EYS: variants seen among roughly 807,000 people sequenced by gnomAD.
The protein encoded by EYS is protein eyes shut homolog.
In EYS, 250 loss-of-function variants were observed where a neutral mutation model predicts 282.1. That is an observed-to-expected ratio of 0.89 (90% CI 0.80 to 0.98). EYS has a LOEUF of 0.98. Among genes scored for constraint, EYS ranks in the 50% least tolerant of loss-of-function variants. The probability of loss-of-function intolerance (pLI) is 0.00; values close to 1 mark genes in which losing one functional copy is unlikely to be tolerated. For synonymous variants in EYS, 1,355 were observed against 1,282.9 expected, an observed-to-expected ratio of 1.06 and a Z score of -1.20; for missense variants, 4,016 against 3,709.0, an observed-to-expected ratio of 1.08 and a Z score of -2.15.
intron 31 of EYS, among the ~76,000 whole-genome samples, chr6:64,143,927 G>GA (rs149374831): frequency 0.037 from 5,557 of 152,224 alleles, 310 homozygotes; most frequent in African/African-American, 0.13. Context: ...ATCCCCTTTT[G>GA]AGCAGGTTAA....
intron 22 of EYS, among the ~76,000 whole-genome samples, chr6:64,723,209 G>A (rs565952407): frequency 6.6e-6 from 1 of 152,182 alleles, no homozygotes; most frequent in South Asian, 2.1e-4. Flanking sequence ...TGACTTATGA[G>A]CCTTACCTGT....
intron 5 of EYS, among the ~76,000 whole-genome samples, chr6:65,462,486 T>C (rs1050130274): frequency 4.6e-5 from 7 of 152,092 alleles, no homozygotes; most frequent in African/African-American, 1.7e-4. Flanking sequence ...TTTAAGTCTT[T>C]ACATTGAACA....
At chr6:65,080,413 G>T (rs1300218249) in intron 12 of EYS, among the ~76,000 whole-genome samples, 1 of 151,904 alleles carries the variant, frequency 6.6e-6, no homozygotes, top group Non-Finnish European at 1.5e-5. Flanking sequence ...CATCAATTTT[G>T]GTTTCCTACT....
chr6:65,311,950 AT>A (rs1250704894), intron 11 of EYS, among the ~76,000 whole-genome samples: 1 of 152,190 alleles, frequency 6.6e-6, no homozygotes. Flanking sequence ...GCTAAAAATT[AT>A]TTATTGTATA....
At chr6:64,743,816 TAAAAG>T (rs1772456134) in intron 22 of EYS, among the ~76,000 whole-genome samples, 1 of 152,052 alleles carries the variant, frequency 6.6e-6, no homozygotes, top group Non-Finnish European at 1.5e-5. Flanking sequence ...AATCTTAACT[TAAAAG>T]GAACAAAGCA....
chr6:63,888,224 A>G (rs1773315945), intron 35 of EYS, among the ~76,000 whole-genome samples: 1 of 152,226 alleles, frequency 6.6e-6, no homozygotes, highest in African/African-American at 2.4e-5. Context: ...CAGCAGACTT[A>G]TACATTCCTG....
chr6:63,861,464 A>G (rs932692700), intron 36 of EYS, among the ~76,000 whole-genome samples: 5 of 152,192 alleles, frequency 3.3e-5, no homozygotes, highest in African/African-American at 1.2e-4. Context: ...CAGATACACA[A>G]AAGTCACTAG....
intron 31 of EYS, among the ~76,000 whole-genome samples, chr6:64,205,753 C>T (rs187015195): frequency 6.6e-6 from 1 of 150,486 alleles, no homozygotes; most frequent in Non-Finnish European, 1.5e-5. Context: ...TGTCAAAATG[C>T]CATGTTGTCA....
At chr6:64,202,695 C>T (rs1036593147) in intron 31 of EYS, among the ~76,000 whole-genome samples, 7 of 152,074 alleles carry the variant, frequency 4.6e-5, no homozygotes, top group African/African-American at 1.7e-4. Context: ...AACATAGAAC[C>T]TTGAGACGAG....
At chr6:64,268,009 T>C (rs1241807870) in intron 30 of EYS, among the ~76,000 whole-genome samples, 1 of 152,120 alleles carries the variant, frequency 6.6e-6, no homozygotes, top group African/African-American at 2.4e-5. Flanking sequence ...ATCTTTCCAC[T>C]TTTGAAAGTT....
chr6:64,413,983 T>C (rs1424768947), intron 28 of EYS, among the ~76,000 whole-genome samples: 1 of 152,164 alleles, frequency 6.6e-6, no homozygotes, highest in Non-Finnish European at 1.5e-5. Flanking sequence ...GCGTCATCTC[T>C]GAACCAGGAA....
chr6:65,529,543 G>T (rs1767686005), intron 2 of EYS, among the ~76,000 whole-genome samples: 2 of 152,094 alleles, frequency 1.3e-5, no homozygotes, highest in Non-Finnish European at 2.9e-5. Flanking sequence ...TCCCCCTGAA[G>T]CAATAATTTC....
At chr6:63,881,136 G>C (rs953459814) in intron 35 of EYS, among the ~76,000 whole-genome samples, 1 of 152,010 alleles carries the variant, frequency 6.6e-6, no homozygotes, top group African/African-American at 2.4e-5. Flanking sequence ...CCCCTCAATT[G>C]CTCCTTCAGA....
chr6:65,496,949 CTT>C (rs888959211), intron 2 of EYS, among the ~76,000 whole-genome samples: 21 of 152,066 alleles, frequency 1.4e-4, no homozygotes, highest in African/African-American at 4.1e-4. Flanking sequence ...TAAATTACCT[CTT>C]TGCAATTTCA....
chr6:65,620,803 G>A (rs1274720340), intron 2 of EYS, among the ~76,000 whole-genome samples: 4 of 151,924 alleles, frequency 2.6e-5, no homozygotes, highest in African/African-American at 4.8e-5. Context: ...CCTTCATTTT[G>A]TTATGTACCC....
At chr6:63,863,953 C>T (rs755054210) in intron 36 of EYS, among the ~76,000 whole-genome samples, 3 of 152,070 alleles carry the variant, frequency 2.0e-5, no homozygotes, top group African/African-American at 4.8e-5. Flanking sequence ...GGATTACAGG[C>T]GTGAGCCACT....
intron 36 of EYS, among the ~76,000 whole-genome samples, chr6:63,844,953 G>C (rs1772060311): frequency 6.6e-6 from 1 of 152,096 alleles, no homozygotes; most frequent in Non-Finnish European, 1.5e-5. Flanking sequence ...GTTCTGAATG[G>C]TATTGCCTAG....
rs193018952 is a variant in EYS, at chr6:65,230,513, T to C, written c.2023+65350A>G. ...TCTTTTTAACTTTAATATGAGTTGC[T>C]AATCCTCGTCCCTTAAAAATGTTTT... is the stretch of plus-strand genomic sequence containing the variant. On this transcript the variant is annotated intron_variant, in intron 12 of 42. Transcript: ENST00000503581. Among the ~76,000 whole-genome samples the C allele has an allele frequency of 2.2e-3, 331 of 152,024 alleles. 2 individuals are homozygous for C. Among genetic ancestry groups the C allele is most frequent in the African/African-American group, 7.3e-3 (303 of 41,564 alleles).
chr6:64,887,831 T>A (rs955808534), intron 18 of EYS, among the ~76,000 whole-genome samples: 1 of 152,068 alleles, frequency 6.6e-6, no homozygotes, highest in South Asian at 2.1e-4. Flanking sequence ...ACATGTCAAT[T>A]GAGACAGGTC....
Sources: gnomAD v4.1 joint callset for allele counts (sites outside exome capture counted in the v4.1 genomes callset) on GRCh38, gnomAD v4.1.1 for gene constraint, MANE v1.5 for transcripts, NCBI Gene and HGNC (gene_info 2026-07-23, HGNC 2026-07-21) for gene names.